The following SH3GL2 variants were observed in gnomAD, a reference collection of about 807,000 sequenced individuals.
The protein encoded by SH3GL2 is SH3 domain containing GRB2 like 2, endophilin A1, also known as endophilin-A1.
Under a neutral mutation model 46.0 loss-of-function variants are expected in SH3GL2, and 24 were observed. That is an observed-to-expected ratio of 0.52 (90% CI 0.38 to 0.73). SH3GL2 has a LOEUF of 0.73. Among genes scored for constraint, SH3GL2 ranks in the 30% least tolerant of loss-of-function variants. The pLI, the probability that SH3GL2 is intolerant of heterozygous loss-of-function variation, is 0.00. For missense variants in SH3GL2, 413 were observed against 424.2 expected, an observed-to-expected ratio of 0.97 and a Z score of 0.23; for synonymous variants, 196 against 147.1, an observed-to-expected ratio of 1.33 and a Z score of -2.40.
At chr9:17,780,480 TA>T (rs1554649476) in intron 3 of SH3GL2, among the ~76,000 whole-genome samples, 1 of 121,292 alleles carries the variant, frequency 8.2e-6, no homozygotes, top group Non-Finnish European at 1.9e-5. Flanking sequence ...TTTTTTTTTT[TA>T]ATTTTTTTTT....
intron 1 of SH3GL2, among the ~76,000 whole-genome samples, chr9:17,744,826 A>G (rs1409011254): frequency 6.6e-6 from 1 of 152,144 alleles, no homozygotes. Flanking sequence ...AAAAATCCTA[A>G]ATCTGTGAAG....
chr9:17,623,317 T>A (rs9407818), intron 1 of SH3GL2, among the ~76,000 whole-genome samples: 1 of 151,794 alleles, frequency 6.6e-6, no homozygotes, highest in Non-Finnish European at 1.5e-5. Flanking sequence ...GGAAGCTAGC[T>A]GGCGAGGTTC....
At chr9:17,695,938 A>G (rs1478046722) in intron 1 of SH3GL2, among the ~76,000 whole-genome samples, 1 of 152,142 alleles carries the variant, frequency 6.6e-6, no homozygotes, top group Non-Finnish European at 1.5e-5. Flanking sequence ...GCATTTTTAA[A>G]AGGCATCTTG....
At chr9:17,586,341 G>A (rs974185381) in intron 1 of SH3GL2, among the ~76,000 whole-genome samples, 1 of 152,218 alleles carries the variant, frequency 6.6e-6, no homozygotes, top group South Asian at 2.1e-4. Flanking sequence ...GACACTGAAG[G>A]ACCTCTAGGC....
chr9:17,795,526 T>A lies in SH3GL2; in HGVS notation c.860-18T>A. On this transcript the variant is annotated intron_variant, in intron 8 of 8. Transcript: ENST00000380607. ...TATCCTTTTGTGTTCTTCTCTTCTC[T>A]CCTGCTCTTACTCCCAGGTGTCCAA... 6.2e-7 allele frequency: 1 copy of A among 1,606,594 alleles called. No individual in the cohort carries two copies. Among genetic ancestry groups the A allele is most frequent in the Non-Finnish European group, 8.5e-7 (1 of 1,173,436 alleles).
chr9:17,752,831 GT>G (rs1429673077), intron 2 of SH3GL2, among the ~76,000 whole-genome samples: 2 of 152,086 alleles, frequency 1.3e-5, no homozygotes, highest in Admixed American at 6.6e-5. Flanking sequence ...GTACTCATTA[GT>G]TATTTTTCCC....
chr9:17,599,821 C>T lies in SH3GL2; in HGVS notation c.45+20534C>T, dbSNP rs376439694. ...TTATCTCTAGATGTGGGCTTTCAAA[C>T]GTTTTCTTTTTCTTAAAATTTTTTT... On this transcript the variant is annotated intron_variant, in intron 1 of 8. Transcript: ENST00000380607. Among the ~76,000 whole-genome samples, 5 of 152,032 alleles carry T rather than the reference C, an allele frequency of 3.3e-5. No individual in the cohort carries two copies. The South Asian group carries it at 8.3e-4, about 25-fold the overall frequency.
At chr9:17,732,700 G>A (rs1428106503) in intron 1 of SH3GL2, among the ~76,000 whole-genome samples, 2 of 152,044 alleles carry the variant, frequency 1.3e-5, no homozygotes, top group African/African-American at 4.8e-5. Context: ...GGCAAAGGAA[G>A]GAGATTATGG....
At chr9:17,696,962 C>G (rs1821219119) in intron 1 of SH3GL2, among the ~76,000 whole-genome samples, 1 of 152,088 alleles carries the variant, frequency 6.6e-6, no homozygotes, top group Non-Finnish European at 1.5e-5. Context: ...CATGCAGAAG[C>G]CTCATTGCCT....
chr9:17,656,208 GTTTTTA>G (rs937791031), intron 1 of SH3GL2, among the ~76,000 whole-genome samples: 4 of 152,096 alleles, frequency 2.6e-5, no homozygotes, highest in African/African-American at 9.7e-5. Context: ...CTATTGGAAT[GTTTTTA>G]TTTTAATTAC....
At chr9:17,743,569 A>AACACACACACACACACACACACAC (rs58408701) in intron 1 of SH3GL2, among the ~76,000 whole-genome samples, 83 of 143,682 alleles carry the variant, frequency 5.8e-4, no homozygotes, top group Middle Eastern at 3.5e-3. Flanking sequence ...CTCTTTTGTG[A>AACACACACACACACACACACACAC]ACACACACAC....
At chr9:17,684,169 A>T (rs1308598679) in intron 1 of SH3GL2, among the ~76,000 whole-genome samples, 1 of 152,134 alleles carries the variant, frequency 6.6e-6, no homozygotes, top group Non-Finnish European at 1.5e-5. Flanking sequence ...TATGATCAAT[A>T]TGTTAAAGGT....
At position 17,796,015 on chromosome 9, in the gene SH3GL2, G is replaced by C. The variant is rs919363358; in HGVS notation, c.*272G>C. On this transcript the variant is annotated 3_prime_UTR_variant, in exon 9 of 9. Coordinates refer to ENST00000380607, the MANE Select transcript of SH3GL2 (RefSeq NM_003026.5). ...GAACTGCTGTTTACACAGTTCTCAG[G>C]AGGCTGTGGTTTCTTAGAATATGAC... The C allele has an allele frequency of 3.4e-5, 14 of 415,232 alleles. No individual in the cohort carries two copies. Among genetic ancestry groups the C allele is most frequent in the Non-Finnish European group, 5.7e-5 (13 of 229,840 alleles). 25.7% of individuals were successfully genotyped at this position (415,232 alleles called of 1,614,324 possible).
chr9:17,638,363 A>C (rs954703486), intron 1 of SH3GL2, among the ~76,000 whole-genome samples: 3 of 152,184 alleles, frequency 2.0e-5, no homozygotes, highest in African/African-American at 7.2e-5. Flanking sequence ...GCTGAGTGCT[A>C]GAGGTATATA....
chr9:17,579,326 GC>G (rs760052905), intron 1 of SH3GL2, 39 bp downstream of exon 1: 5 of 1,451,780 alleles, frequency 3.4e-6, no homozygotes, highest in Non-Finnish European at 4.6e-6. Flanking sequence ...GCAGTCCGGG[GC>G]GAAGCTGCGA....
At chr9:17,764,052 C>T (rs1225003485) in intron 3 of SH3GL2, among the ~76,000 whole-genome samples, 3 of 152,116 alleles carry the variant, frequency 2.0e-5, no homozygotes, top group Admixed American at 2.0e-4. Context: ...TACAATATTG[C>T]ATGTGCTAAT....
In SH3GL2 at chr9:17,796,783, G is replaced by T. The variant is rs1304114806; in HGVS notation, c.*1040G>T. 6 of 152,628 alleles carry T rather than the reference G, an allele frequency of 3.9e-5. No homozygotes were observed. The highest frequency in any genetic ancestry group is 1.5e-5 in the Non-Finnish European group (1 of 68,036). The allele number at this position is 152,628 out of a possible 1,614,324, so 9.5% of individuals were successfully genotyped here. On this transcript the variant is annotated 3_prime_UTR_variant, in exon 9 of 9. Coordinates refer to ENST00000380607, the MANE Select transcript of SH3GL2 (RefSeq NM_003026.5). ...CAAATAAAGATGATTTTTGTGCTTAGCAGTTTAAGGTATATGGCTGCATAT... is the reference window on the plus strand; with the variant it reads ...CAAATAAAGATGATTTTTGTGCTTATCAGTTTAAGGTATATGGCTGCATAT...
intron 1 of SH3GL2, among the ~76,000 whole-genome samples, chr9:17,643,713 T>C (rs1056489542): frequency 1.2e-4 from 19 of 152,240 alleles, no homozygotes; most frequent in African/African-American, 3.9e-4. Context: ...AGCTTTTTGA[T>C]GTGCTGCTGG....
In SH3GL2 at chr9:17,793,460, TG is replaced by T; in HGVS notation, c.827del (p.Gly276ValfsTer158). The T allele has an allele frequency of 6.2e-7, 1 of 1,612,348 alleles. No homozygotes were observed. Among genetic ancestry groups the T allele is most frequent in the Non-Finnish European group, 8.5e-7 (1 of 1,179,494 alleles). On this transcript the variant is annotated frameshift_variant, in exon 8 of 9. Coordinates refer to ENST00000380607, the MANE Select transcript of SH3GL2 (RefSeq NM_003026.5). LOFTEE classifies it high-confidence loss of function. ...CAACTGGAGACAGTACTCAGCCCAA[TG>T]GGGGTCTCTCCCACACAGGCACTCC... is the stretch of plus-strand genomic sequence containing the variant. ...FPTGDSTQPN[G>X]GLSHTGTPKP...
Sources: gnomAD v4.1 joint callset for allele counts (sites outside exome capture counted in the v4.1 genomes callset) on GRCh38, gnomAD v4.1.1 for gene constraint, MANE v1.5 for transcripts, NCBI Gene and HGNC (gene_info 2026-07-23, HGNC 2026-07-21) for gene names.